Variants in ECE1 observed in about 807,000 individuals in gnomAD.
ECE1 encodes endothelin-converting enzyme 1.
In ECE1, 35 loss-of-function variants were observed where a neutral mutation model predicts 98.6. That is an observed-to-expected ratio of 0.35 (90% CI 0.27 to 0.47). The LOEUF (loss-of-function observed/expected upper bound fraction) is 0.47. Among genes scored for constraint, ECE1 ranks in the 20% least tolerant of loss-of-function variants. The probability of loss-of-function intolerance (pLI) is 1.00; values close to 1 mark genes in which losing one functional copy is unlikely to be tolerated. For missense variants in ECE1, 814 were observed against 1,025.3 expected, an observed-to-expected ratio of 0.79 and a Z score of 2.81; for synonymous variants, 394 against 407.1, an observed-to-expected ratio of 0.97 and a Z score of 0.39.
chr1:21,279,453 CA>C (rs1451653606), intron 2 of ECE1, 121 bp from the exon 3 acceptor site: 5 of 1,560,494 alleles, frequency 3.2e-6, no homozygotes, highest in East Asian at 2.4e-5. Flanking sequence ...CCTCCTGTCT[CA>C]GGGGTGGTCT....
At chr1:21,274,033 T>C (rs2098243636) in intron 3 of ECE1, among the ~76,000 whole-genome samples, 1 of 152,246 alleles carries the variant, frequency 6.6e-6, no homozygotes, top group African/African-American at 2.4e-5. Flanking sequence ...ACCCAGGCTG[T>C]GCTGATGACC....
intron 1 of ECE1, among the ~76,000 whole-genome samples, chr1:21,318,187 T>C (rs1638873555): frequency 6.6e-6 from 1 of 152,084 alleles, no homozygotes; most frequent in African/African-American, 2.4e-5. Context: ...AGACCTGGCG[T>C]GGCAAGTGGG....
intron 1 of ECE1, among the ~76,000 whole-genome samples, chr1:21,320,455 A>G (rs1638940058): frequency 6.6e-6 from 1 of 152,240 alleles, no homozygotes; most frequent in African/African-American, 2.4e-5. Flanking sequence ...GAGTAATTGA[A>G]GAGTTTGGCC....
chr1:21,314,233 G>A (rs3026835), intron 1 of ECE1, among the ~76,000 whole-genome samples: 1 of 152,210 alleles, frequency 6.6e-6, no homozygotes, highest in South Asian at 2.1e-4. Context: ...CCGATACTCA[G>A]GCATTATGGG....
rs1210208315 is a variant in ECE1 at position 21,235,141 on chromosome 1, C to G, written c.1566+709G>C. Among the ~76,000 whole-genome samples, 1 of 152,096 alleles carries G rather than the reference C, an allele frequency of 6.6e-6. No homozygotes were observed. Among genetic ancestry groups the G allele is most frequent in the Admixed American group, 6.5e-5 (1 of 15,274 alleles). ...CTCCAGTCTGGGCAACAGAATGAGACCCTGTCTCAAAAAAAATTTTTTCTT... is the reference window on the plus strand; with the variant it reads ...CTCCAGTCTGGGCAACAGAATGAGAGCCTGTCTCAAAAAAAATTTTTTCTT... On this transcript the variant is annotated intron_variant, in intron 13 of 18. Transcript: ENST00000374893. This position sits in a 1 kb window ranked among gnomAD's most constrained non-coding sequence, Gnocchi z 4.2.
At chr1:21,268,406 T>A (rs2098236565) in intron 4 of ECE1, among the ~76,000 whole-genome samples, 1 of 152,236 alleles carries the variant, frequency 6.6e-6, no homozygotes, top group Non-Finnish European at 1.5e-5. Context: ...GTCCTGCAGC[T>A]GAGGTCAGCA....
In ECE1 at chr1:21,245,689, C is replaced by A. The variant is rs28368003; in HGVS notation, c.1164-586G>T. Among the ~76,000 whole-genome samples, 372 of 152,152 alleles carry A rather than the reference C, an allele frequency of 2.4e-3. 3 individuals carry two copies. The East Asian group carries it at 0.042, about 17-fold the overall frequency. ...CCTCTAATCAGAATCAACCAAAATG[C>A]CTGATAATGAGAAGGAGGAAGTAAA... is the stretch of plus-strand genomic sequence containing the variant. On this transcript the variant is annotated intron_variant, in intron 9 of 18. Transcript: ENST00000374893.
chr1:21,309,378 G>C (rs1007061471), intron 1 of ECE1, among the ~76,000 whole-genome samples: 1 of 152,242 alleles, frequency 6.6e-6, no homozygotes, highest in Non-Finnish European at 1.5e-5. Context: ...CACCTGTAAA[G>C]TGGTGAATCA....
chr1:21,244,119 G>T (rs1354051224), intron 10 of ECE1, among the ~76,000 whole-genome samples: 1 of 152,188 alleles, frequency 6.6e-6, no homozygotes, highest in African/African-American at 2.4e-5. Flanking sequence ...GGGGAGGATT[G>T]TTGGGGTCTT....
In ECE1 at chr1:21,225,568, G is replaced by C. The variant is rs1054908314; in HGVS notation, c.1850-128C>G. 1.1e-5 allele frequency: 12 copies of C among 1,096,720 alleles called. No individual in the cohort carries two copies. The African/African-American group carries it at 1.2e-4, about 11-fold the overall frequency. 67.9% of individuals were successfully genotyped at this position (1,096,720 alleles called of 1,614,324 possible). Reference sequence around the variant, plus strand: ...CGTCCTCCAGCCACCATGGGGAGACGAGGTCCCTGTGAGTGCCGAGGGACG... The same window carrying C: ...CGTCCTCCAGCCACCATGGGGAGACCAGGTCCCTGTGAGTGCCGAGGGACG... On this transcript the variant is annotated intron_variant, in intron 16 of 18. Coordinates refer to ENST00000374893, the MANE Select transcript of ECE1 (RefSeq NM_001397.3). The surrounding 1 kb of genome is among the most constrained non-coding windows in gnomAD (Gnocchi z 5.3).
At chr1:21,341,791 A>T (rs1327873175) in intron 1 of ECE1, among the ~76,000 whole-genome samples, 3 of 150,652 alleles carry the variant, frequency 2.0e-5, no homozygotes, top group African/African-American at 7.3e-5. Flanking sequence ...ATCTTCAAAC[A>T]GTAACGCTTC....
chr1:21,337,266 G>T (rs193049413), intron 1 of ECE1, among the ~76,000 whole-genome samples: 1 of 152,308 alleles, frequency 6.6e-6, no homozygotes, highest in African/African-American at 2.4e-5. Flanking sequence ...AGCAGATGCT[G>T]GTACAGGCGA....
intron 1 of ECE1, among the ~76,000 whole-genome samples, chr1:21,320,196 C>A (rs1484258493): frequency 6.6e-6 from 1 of 152,224 alleles, no homozygotes; most frequent in Admixed American, 6.5e-5. Context: ...CTGCGTCCAG[C>A]TGATACCTGG....
At chr1:21,250,618 A>G (rs894364266) in intron 8 of ECE1, among the ~76,000 whole-genome samples, 6 of 152,248 alleles carry the variant, frequency 3.9e-5, no homozygotes, top group African/African-American at 1.2e-4. Context: ...ATCAATCAAT[A>G]AAGTAAAATT....
chr1:21,340,109 C>T lies in ECE1; in HGVS notation c.3+5267G>A, dbSNP rs1242947262. On this transcript the variant is annotated intron_variant, in intron 1 of 18. Coordinates refer to the ECE1 transcript ENST00000415912. This position sits in a 1 kb window ranked among gnomAD's most constrained non-coding sequence, Gnocchi z 4.6. ...CTGGGAAGGCTTCCCTGATACACAC[C>T]TATGGGCAGGATGACTCTGGAGCTG... 6.6e-6 allele frequency among the ~76,000 whole-genome samples: 1 copy of T among 152,242 alleles called. No individual in the cohort carries two copies. Among genetic ancestry groups the T allele is most frequent in the African/African-American group, 2.4e-5 (1 of 41,466 alleles).
At chr1:21,301,465 A>G (rs2103377993) in intron 1 of ECE1, among the ~76,000 whole-genome samples, 1 of 152,066 alleles carries the variant, frequency 6.6e-6, no homozygotes, top group South Asian at 2.1e-4. Context: ...ACTGCACTCC[A>G]GCCTGGGCGA....
chr1:21,279,093 C>A, intron 3 of ECE1, 98 bp downstream of exon 3: 1 of 1,603,818 alleles, frequency 6.2e-7, no homozygotes, highest in Non-Finnish European at 8.5e-7. Context: ...AGCCTCAGAG[C>A]CCTGCCCCGG....
intron 1 of ECE1, among the ~76,000 whole-genome samples, chr1:21,337,479 G>A (rs963915564): frequency 5.9e-5 from 9 of 152,208 alleles, no homozygotes; most frequent in African/African-American, 9.6e-5. Flanking sequence ...TAGTATGCAG[G>A]TGTGTGCATT....
intron 11 of ECE1, among the ~76,000 whole-genome samples, chr1:21,237,050 G>C (rs2098189181): frequency 6.6e-6 from 1 of 152,030 alleles, no homozygotes; most frequent in African/African-American, 2.4e-5. Context: ...TCCACACACA[G>C]GGCTCCATGC....
Sources: allele counts gnomAD v4.1 joint callset (sites outside exome capture counted in the v4.1 genomes callset), GRCh38; gene constraint gnomAD v4.1.1; non-coding constraint Gnocchi (gnomAD v3.1); transcripts MANE v1.5; gene names NCBI Gene and HGNC (gene_info 2026-07-23, HGNC 2026-07-21).